The following MEGF11 variants were observed in gnomAD, a reference collection of about 807,000 sequenced individuals.
The protein encoded by MEGF11 is multiple EGF like domains 11, also known as multiple epidermal growth factor-like domains protein 11.
In MEGF11, 126 loss-of-function variants were observed where a neutral mutation model predicts 146.6. The observed-to-expected ratio is 0.86, with a 90% confidence interval of 0.74 to 1.00. The LOEUF (loss-of-function observed/expected upper bound fraction) is 1.00, where lower values mean the gene tolerates loss of function less well. Ranked by LOEUF, MEGF11 falls within the 50% of genes least tolerant of loss-of-function variation. MEGF11 has a pLI of 0.00. For missense variants in MEGF11, 1,509 were observed against 1,521.2 expected (o/e 0.99, Z 0.13); for synonymous variants, 532 against 583.4 (o/e 0.91, Z 1.27).
At chr15:66,047,517 C>T (rs146217773) in intron 5 of MEGF11, among the ~76,000 whole-genome samples, 4 of 152,194 alleles carry the variant, frequency 2.6e-5, no homozygotes, top group African/African-American at 7.2e-5. Context: ...ATAATAAACA[C>T]GAACTCCCCA....
At chr15:66,132,927 C>T (rs2088712686) in intron 1 of MEGF11, among the ~76,000 whole-genome samples, 1 of 152,162 alleles carries the variant, frequency 6.6e-6, no homozygotes, top group South Asian at 2.1e-4. Flanking sequence ...TGTCCCCAGC[C>T]CCAAGAGCAT....
At chr15:66,081,670 C>T (rs990267602) in intron 5 of MEGF11, among the ~76,000 whole-genome samples, 4 of 152,188 alleles carry the variant, frequency 2.6e-5, no homozygotes, top group Non-Finnish European at 5.9e-5. Context: ...TGAGCGACTG[C>T]GCCTGGCCCT....
At chr15:66,236,008 T>C (rs1200830583) in intron 1 of MEGF11, among the ~76,000 whole-genome samples, 1 of 151,610 alleles carries the variant, frequency 6.6e-6, no homozygotes, top group Non-Finnish European at 1.5e-5. Context: ...GCACAGAGAG[T>C]CAGAACAGAA....
intron 4 of MEGF11, among the ~76,000 whole-genome samples, chr15:66,096,186 A>G (rs2086545220): frequency 6.6e-6 from 1 of 152,036 alleles, no homozygotes; most frequent in Non-Finnish European, 1.5e-5. Flanking sequence ...TGCATGCTCC[A>G]CAGCTGGGCT....
At chr15:66,076,098 T>C (rs1035833783) in intron 5 of MEGF11, among the ~76,000 whole-genome samples, 1 of 151,998 alleles carries the variant, frequency 6.6e-6, no homozygotes, top group Non-Finnish European at 1.5e-5. Flanking sequence ...GATGGACAGA[T>C]GGATGGAAGA....
chr15:66,000,947 G>A (rs1275143868), intron 5 of MEGF11, among the ~76,000 whole-genome samples: 1 of 152,174 alleles, frequency 6.6e-6, no homozygotes, highest in Non-Finnish European at 1.5e-5. Context: ...TTAAAGGATG[G>A]GGTGGAGCTT....
chr15:65,976,978 T>A (rs181532687), intron 7 of MEGF11, among the ~76,000 whole-genome samples: 2 of 151,880 alleles, frequency 1.3e-5, no homozygotes, highest in Non-Finnish European at 2.9e-5. Flanking sequence ...GACCGTCCTG[T>A]CTAACACGGT....
chr15:65,988,683 C>T (rs942824111), intron 5 of MEGF11, among the ~76,000 whole-genome samples: 5 of 152,110 alleles, frequency 3.3e-5, no homozygotes, highest in African/African-American at 9.7e-5. Context: ...ATAATGCGGC[C>T]GACCATTACT....
intron 5 of MEGF11, among the ~76,000 whole-genome samples, chr15:66,077,005 A>C (rs1266340698): frequency 6.6e-6 from 1 of 152,202 alleles, no homozygotes; most frequent in Non-Finnish European, 1.5e-5. Flanking sequence ...TTAGGAGAAG[A>C]AAGAGTTAAA....
chr15:66,048,176 C>T (rs1247876913), intron 5 of MEGF11, among the ~76,000 whole-genome samples: 1 of 152,174 alleles, frequency 6.6e-6, no homozygotes, highest in Non-Finnish European at 1.5e-5. Context: ...GAATTCCTGA[C>T]CCCAAGTGAT....
At chr15:66,059,232 C>T (rs2084802241) in intron 5 of MEGF11, among the ~76,000 whole-genome samples, 1 of 152,202 alleles carries the variant, frequency 6.6e-6, no homozygotes, top group Non-Finnish European at 1.5e-5. Context: ...GTTCCCTCCC[C>T]CGCGCCATCC....
chr15:66,121,094 C>A (rs2088001790), intron 3 of MEGF11, among the ~76,000 whole-genome samples: 1 of 152,182 alleles, frequency 6.6e-6, no homozygotes, highest in South Asian at 2.1e-4. Context: ...TGCAAGGCAA[C>A]TTAATAATTT....
chr15:65,898,053 A>C lies in MEGF11; in HGVS notation c.3304T>G (p.Ser1102Ala), dbSNP rs1455390732. 1.9e-6 allele frequency: 3 copies of C among 1,613,962 alleles called. No individual in the cohort carries two copies. Among genetic ancestry groups the C allele is most frequent in the Admixed American group, 1.7e-5 (1 of 60,024 alleles). The part of the protein sequence containing the change: ...SVVQEGCGHN[S>A]SYIQNAYDLP... ...TCGTATGCATTCTGGATATAGCTGG[A>C]GTTATGACCGCAACCTTCTTGGACC... The change falls in exon 26 of 26, where the codon TCC (serine) becomes GCC (alanine). Residue 1102 changes from serine to alanine, a missense_variant. Transcript: ENST00000395614.
chr15:66,015,278 A>G (rs867075369), intron 5 of MEGF11, among the ~76,000 whole-genome samples: 2 of 152,218 alleles, frequency 1.3e-5, no homozygotes, highest in Middle Eastern at 3.2e-3. Context: ...GAGGTTTCAG[A>G]GCCCACTGTA....
Position 65,965,102 on chromosome 15 carries a change from G to A in MEGF11, c.918C>T (p.Pro306=), listed in dbSNP as rs2081016399. ...AGCACTGGAAGCCGAAGGACCCGAA[G>A]GGGCACTCCTCTTGGCACCTGTGGG... The part of the protein sequence containing the change: ...YMGDRCQEEC[P]FGSFGFQCSQ... Residue 306 remains proline (P), a synonymous_variant, in exon 9 of 26, where the codon CCC becomes CCT. Coordinates refer to ENST00000395614, the MANE Select transcript of MEGF11 (RefSeq NM_001385028.1). The A allele has an allele frequency of 6.3e-7, 1 of 1,593,462 alleles. No homozygotes were observed. The highest frequency in any genetic ancestry group is 1.1e-5 in the South Asian group (1 of 88,160).
intron 16 of MEGF11, among the ~76,000 whole-genome samples, chr15:65,917,417 C>G (rs2079037328): frequency 6.6e-6 from 1 of 152,184 alleles, no homozygotes; most frequent in African/African-American, 2.4e-5. Flanking sequence ...CTAACTAGGA[C>G]CTCCCCAAGG....
At chr15:66,243,055 A>C (rs2092241558) in intron 1 of MEGF11, among the ~76,000 whole-genome samples, 2 of 151,968 alleles carry the variant, frequency 1.3e-5, no homozygotes, top group Non-Finnish European at 2.9e-5. Flanking sequence ...ACACACACAC[A>C]CTCAAAAAGA....
At chr15:66,005,943 G>A (rs72742875) in intron 5 of MEGF11, among the ~76,000 whole-genome samples, 30,491 of 152,162 alleles carry the variant, frequency 0.2, 3,562 homozygotes, top group East Asian at 0.59. Context: ...GTTTTCTCTA[G>A]GGGGAAGTGA....
At chr15:66,144,960 C>T (rs1754876280) in intron 1 of MEGF11, among the ~76,000 whole-genome samples, 2 of 152,284 alleles carry the variant, frequency 1.3e-5, no homozygotes, top group African/African-American at 4.8e-5. Context: ...CACTGTAAGC[C>T]CCATTATACA....
Sources: gnomAD v4.1 joint callset for allele counts (sites outside exome capture counted in the v4.1 genomes callset) on GRCh38, gnomAD v4.1.1 for gene constraint, MANE v1.5 for transcripts, NCBI Gene and HGNC (gene_info 2026-07-23, HGNC 2026-07-21) for gene names.